COQ3: variants seen among roughly 807,000 people sequenced by gnomAD.
COQ3 encodes the protein coenzyme Q3, methyltransferase.
Under a neutral mutation model 33.1 loss-of-function variants are expected in COQ3, and 29 were observed. The observed-to-expected ratio is 0.88, with a 90% CI of 0.65 to 1.19. COQ3 has a LOEUF of 1.19. Among genes scored for constraint, COQ3 ranks in the 50% most tolerant of loss-of-function variants. The pLI is 0.00. For missense variants in COQ3, 437 were observed against 430.7 expected (o/e 1.01, Z -0.13); for synonymous variants, 173 against 157.8 (o/e 1.10, Z -0.72).
At chr6:99,391,818 G>A (rs1774839296) in intron 1 of COQ3, among the ~76,000 whole-genome samples, 1 of 152,124 alleles carries the variant, frequency 6.6e-6, no homozygotes, top group South Asian at 2.1e-4. Flanking sequence ...GGACAATGTG[G>A]TGAAACCCCT....
rs191391746 is a variant in COQ3, at chr6:99,388,095, C to T, written c.107-4271G>A. 2.0e-4 allele frequency among the ~76,000 whole-genome samples: 30 copies of T among 152,004 alleles called. 1 individual carries two copies. In the East Asian group the frequency reaches 5.4e-3, roughly 28 times the overall value. ...AGGAGAATTGCTTGAACCCAGGAGGCGGAGGTTGCGGTGAGCAGAGGTCGC... is the reference window on the plus strand; with the variant it reads ...AGGAGAATTGCTTGAACCCAGGAGGTGGAGGTTGCGGTGAGCAGAGGTCGC... On this transcript the variant is annotated intron_variant, in intron 1 of 6. Coordinates refer to ENST00000254759, the MANE Select transcript of COQ3 (RefSeq NM_017421.4).
intron 1 of COQ3, among the ~76,000 whole-genome samples, 193 bp from the exon 2 acceptor site, chr6:99,384,017 C>T (rs1438424796): frequency 6.6e-6 from 1 of 152,154 alleles, no homozygotes; most frequent in Non-Finnish European, 1.5e-5. Flanking sequence ...CCTCCCGCCT[C>T]AGCTTCCCAA....
chr6:99,377,281 C>CT lies in COQ3; in HGVS notation c.486+104dup, dbSNP rs1562203883. ...CACCCTGGCCTCCCAACATGCATTT[C>CT]TTTTTTTAATGAATAATATTATTTG... is the stretch of plus-strand genomic sequence containing the variant. On this transcript the variant is annotated intron_variant, in intron 4 of 6. Transcript: ENST00000254759. The CT allele has an allele frequency of 6.2e-6, 6 of 972,774 alleles. No individual in the cohort carries two copies. The Admixed American group carries it at 1.0e-4, about 16-fold the overall frequency. 60.3% of individuals were successfully genotyped at this position (972,774 alleles called of 1,614,324 possible).
At chr6:99,394,027 G>A (rs754934058) in intron 1 of COQ3, 47 bp downstream of exon 1, 1 of 1,518,320 alleles carries the variant, frequency 6.6e-7, no homozygotes, top group East Asian at 2.3e-5. Flanking sequence ...AGAGACGCCA[G>A]CGCTCGCAAT....
chr6:99,377,597 C>A, intron 3 of COQ3, 112 bp from the exon 4 acceptor site: 1 of 579,240 alleles, frequency 1.7e-6, no homozygotes, highest in Non-Finnish European at 2.8e-6. Context: ...ATAAATTATT[C>A]ATTTTTTTTA....
rs117066810 is a variant in COQ3, at chr6:99,375,686, G to A, written c.729+254C>T. 3.5e-3 allele frequency among the ~76,000 whole-genome samples: 537 copies of A among 152,152 alleles called. 2 individuals are homozygous for A. The highest frequency in any genetic ancestry group is 5.8e-3 in the Non-Finnish European group (393 of 67,988). On this transcript the variant is annotated intron_variant, in intron 5 of 6. Coordinates refer to ENST00000254759, the MANE Select transcript of COQ3 (RefSeq NM_017421.4). ...AGGCATAAGCCACCATATCCAGCCA[G>A]CACCAGCATTTTTCAAGATCCCTGG...
chr6:99,370,227 A>G (rs1774089077), intron 6 of COQ3, among the ~76,000 whole-genome samples: 1 of 152,180 alleles, frequency 6.6e-6, no homozygotes, highest in Non-Finnish European at 1.5e-5. Flanking sequence ...TTTGGTAAGT[A>G]CTCAATAAAT....
rs555930177 is a variant in COQ3, at chr6:99,385,892, G to T, written c.107-2068C>A. 2.3e-4 allele frequency among the ~76,000 whole-genome samples: 35 copies of T among 149,924 alleles called. 2 individuals are homozygous for T. The highest frequency in any genetic ancestry group is 2.1e-3 in the South Asian group (10 of 4,778). On this transcript the variant is annotated intron_variant, in intron 1 of 6. Coordinates refer to ENST00000254759, the MANE Select transcript of COQ3 (RefSeq NM_017421.4). ...CCCGGGAGGCTGAGGCAGAAGAATC[G>T]CTTGAACCTGGGAGATGGAGGTTGC...
intron 1 of COQ3, 62 bp from the exon 2 acceptor site, chr6:99,383,886 T>C: frequency 1.6e-6 from 2 of 1,232,564 alleles, no homozygotes; most frequent in African/African-American, 1.6e-5. Context: ...CTGATATGCA[T>C]GTAATTGAAG....
At position 99,376,046 on chromosome 6, in the gene COQ3, A is replaced by G. The variant is rs868841248; in HGVS notation, c.623T>C (p.Ile208Thr). 8.1e-6 allele frequency: 13 copies of G among 1,614,062 alleles called. No homozygotes were observed. Among genetic ancestry groups the G allele is most frequent in the Middle Eastern group, 1.6e-4 (1 of 6,062 alleles). ...IEYRVCSLEE[I>T]VEETAETFDA... The stretch of plus-strand genomic sequence containing the variant: ...AAATGTTTCTGCAGTCTCTTCCACA[A>G]TCTCTTCCAGGGAACACACTCTGTA... The change falls in exon 5 of 7, where the codon ATT (isoleucine) becomes ACT (threonine). Residue 208 changes from isoleucine (I) to threonine (T), a missense_variant. Coordinates refer to ENST00000254759, the MANE Select transcript of COQ3 (RefSeq NM_017421.4).
intron 1 of COQ3, among the ~76,000 whole-genome samples, chr6:99,386,529 C>T (rs907527584): frequency 2.0e-5 from 3 of 151,934 alleles, no homozygotes; most frequent in Admixed American, 1.3e-4. Context: ...GTTAATTCAC[C>T]GCAAAAATCA....
chr6:99,387,977 C>T (rs922792142), intron 1 of COQ3, among the ~76,000 whole-genome samples: 1 of 152,028 alleles, frequency 6.6e-6, no homozygotes, highest in South Asian at 2.1e-4. Flanking sequence ...CCAGCCTGAC[C>T]AACATGGAGA....
At chr6:99,371,631 A>G (rs1230891107) in intron 5 of COQ3, 44 bp from the exon 6 acceptor site, 1 of 1,336,196 alleles carries the variant, frequency 7.5e-7, no homozygotes. Flanking sequence ...TAAAAGACTA[A>G]GTGTATCACT....
chr6:99,369,916 G>A (rs1178805577), intron 6 of COQ3, 96 bp from the exon 7 acceptor site: 1 of 782,812 alleles, frequency 1.3e-6, no homozygotes, highest in Non-Finnish European at 2.1e-6. Flanking sequence ...AAAATGCTGA[G>A]AGCACACTAA....
Position 99,371,714 on chromosome 6 carries a change from C to T in COQ3, c.730-127G>A, listed in dbSNP as rs567548627. ...TGAGTGCCATTAAAATATATATGTACGCATAAAATATAATTCACCAAAATA... is the reference window on the plus strand; with the variant it reads ...TGAGTGCCATTAAAATATATATGTATGCATAAAATATAATTCACCAAAATA... On this transcript the variant is annotated intron_variant, in intron 5 of 6. Transcript: ENST00000254759. The T allele has an allele frequency of 4.3e-4, 280 of 651,408 alleles. 1 individual carries two copies. In the African/African-American group the frequency reaches 4.4e-3, roughly 10 times the overall value. 40.4% of individuals were successfully genotyped at this position (651,408 alleles called of 1,614,324 possible). A position where few individuals can be genotyped will look rare whatever the true frequency, so the allele number is the denominator to read the frequency against.
intron 1 of COQ3, 53 bp downstream of exon 1, chr6:99,394,021 A>T (rs1774903889): frequency 5.4e-6 from 8 of 1,471,250 alleles, no homozygotes; most frequent in Non-Finnish European, 7.6e-6. Flanking sequence ...ATGCGCAGAG[A>T]CGCCAGCGCT....
intron 1 of COQ3, among the ~76,000 whole-genome samples, chr6:99,387,825 A>G (rs1219374198): frequency 6.6e-6 from 1 of 152,206 alleles, no homozygotes; most frequent in Non-Finnish European, 1.5e-5. Flanking sequence ...AGAAAATACC[A>G]AGAAATCTTT....
At position 99,369,655 on chromosome 6, in the gene COQ3, T is replaced by C. The variant is rs760427359; in HGVS notation, c.1055A>G (p.Glu352Gly). The part of the protein sequence containing the change: ...AEFVLKGETE[E>G]LQANACTNPA... ...ATTGGTGCAGGCATTAGCTTGGAGC[T>C]CTTCTGTTTCTCCCTTTAAAACAAA... The change falls in exon 7 of 7, where the codon GAG becomes GGG. Residue 352 changes from glutamate (E) to glycine (G), a missense_variant. Coordinates refer to ENST00000254759, the MANE Select transcript of COQ3 (RefSeq NM_017421.4). 5.0e-6 allele frequency: 8 copies of C among 1,614,028 alleles called. No homozygotes were observed. Among genetic ancestry groups the C allele is most frequent in the Non-Finnish European group, 6.8e-6 (8 of 1,180,014 alleles).
chr6:99,386,783 G>T (rs1259115579), intron 1 of COQ3, among the ~76,000 whole-genome samples: 4 of 152,028 alleles, frequency 2.6e-5, no homozygotes, highest in Non-Finnish European at 5.9e-5. Flanking sequence ...AAAGAAATTG[G>T]ATTCATAGTT....
Sources: allele counts gnomAD v4.1 joint callset (sites outside exome capture counted in the v4.1 genomes callset), GRCh38; gene constraint gnomAD v4.1.1; transcripts MANE v1.5; gene names NCBI Gene and HGNC (gene_info 2026-07-23, HGNC 2026-07-21).